Variants in AGBL4 observed in about 807,000 individuals in gnomAD.
AGBL4 encodes cytosolic carboxypeptidase 6.
Under a neutral mutation model 66.4 loss-of-function variants are expected in AGBL4, and 58 were observed. That is an observed-to-expected ratio of 0.87 (90% CI 0.71 to 1.09). The LOEUF is 1.09. AGBL4 is among the 50% of genes least tolerant of loss of function. AGBL4 has a pLI of 0.00. For synonymous variants in AGBL4, 234 were observed against 222.9 expected, an observed-to-expected ratio of 1.05 and a Z score of -0.44; for missense variants, 579 against 631.0, an observed-to-expected ratio of 0.92 and a Z score of 0.88.
intron 2 of AGBL4, among the ~76,000 whole-genome samples, chr1:49,776,595 C>T (rs1395705292): frequency 6.6e-6 from 1 of 151,934 alleles, no homozygotes; most frequent in African/African-American, 2.4e-5. Context: ...TTATGTTTTT[C>T]CCTCTGCATG....
chr1:48,787,829 T>G (rs544274457), intron 6 of AGBL4, among the ~76,000 whole-genome samples: 13 of 152,324 alleles, frequency 8.5e-5, no homozygotes, highest in South Asian at 4.1e-4. Context: ...GGACTCTGGA[T>G]AGTGGCCAAG....
chr1:48,930,318 T>G (rs1169375198), intron 5 of AGBL4, among the ~76,000 whole-genome samples: 1 of 152,056 alleles, frequency 6.6e-6, no homozygotes, highest in Admixed American at 6.6e-5. Flanking sequence ...TTCTAACTCT[T>G]TTCTCTCTGT....
chr1:49,194,843 T>A (rs1041098430), intron 4 of AGBL4, among the ~76,000 whole-genome samples: 2 of 145,814 alleles, frequency 1.4e-5, no homozygotes, highest in Non-Finnish European at 3.1e-5. Context: ...ATTGATCTGT[T>A]TTTTTTTTTT....
chr1:48,788,754 G>A (rs1645468221), intron 6 of AGBL4, among the ~76,000 whole-genome samples: 1 of 152,124 alleles, frequency 6.6e-6, no homozygotes, highest in African/African-American at 2.4e-5. Flanking sequence ...CTTTAAGACT[G>A]TCTTATTTGT....
At chr1:49,511,415 T>C (rs1403812141) in intron 3 of AGBL4, among the ~76,000 whole-genome samples, 1 of 125,398 alleles carries the variant, frequency 8.0e-6, no homozygotes, top group African/African-American at 3.1e-5. Context: ...TGAGATCACA[T>C]GGACACAGGA....
chr1:49,936,165 G>A (rs186704391), intron 1 of AGBL4, among the ~76,000 whole-genome samples: 41 of 152,284 alleles, frequency 2.7e-4, no homozygotes, highest in Admixed American at 9.2e-4. Flanking sequence ...GCTGAAAGCC[G>A]AGGCTCGAGA....
intron 5 of AGBL4, among the ~76,000 whole-genome samples, chr1:48,975,955 G>C (rs1263080269): frequency 1.3e-5 from 2 of 152,084 alleles, no homozygotes; most frequent in East Asian, 3.9e-4. Flanking sequence ...CCAGTGCTCA[G>C]AACTTCAAGC....
chr1:49,828,773 G>A (rs1159316029), intron 2 of AGBL4, among the ~76,000 whole-genome samples: 2 of 152,178 alleles, frequency 1.3e-5, no homozygotes, highest in Non-Finnish European at 2.9e-5. Context: ...AGAAACTTGA[G>A]TGAAAGGAAG....
chr1:49,283,683 T>C (rs1644335349), intron 3 of AGBL4, among the ~76,000 whole-genome samples: 1 of 151,008 alleles, frequency 6.6e-6, no homozygotes, highest in African/African-American at 2.4e-5. Flanking sequence ...AAGGAGCTGA[T>C]GGAGCTGAAA....
chr1:49,273,882 C>A (rs1001063028), intron 3 of AGBL4, among the ~76,000 whole-genome samples: 3 of 151,962 alleles, frequency 2.0e-5, no homozygotes, highest in Non-Finnish European at 1.5e-5. Flanking sequence ...CGGGGTTTCA[C>A]CGTGTTAGCC....
intron 5 of AGBL4, among the ~76,000 whole-genome samples, chr1:48,996,548 T>C (rs147233490): frequency 2.6e-5 from 4 of 152,304 alleles, no homozygotes; most frequent in African/African-American, 9.6e-5. Context: ...GTCAGTTAAC[T>C]GTGTGAAGTG....
At chr1:49,500,679 A>G (rs1648067434) in intron 3 of AGBL4, among the ~76,000 whole-genome samples, 1 of 152,034 alleles carries the variant, frequency 6.6e-6, no homozygotes, top group Non-Finnish European at 1.5e-5. Flanking sequence ...GTCAAAGATC[A>G]GTTGACTATA....
chr1:49,848,537 T>C (rs555182321), intron 2 of AGBL4, among the ~76,000 whole-genome samples: 50 of 152,152 alleles, frequency 3.3e-4, no homozygotes, highest in Non-Finnish European at 6.6e-4. Flanking sequence ...CTGGAGGCCA[T>C]TATGCTAAGT....
At chr1:49,168,155 C>T (rs1230222006) in intron 4 of AGBL4, among the ~76,000 whole-genome samples, 1 of 152,190 alleles carries the variant, frequency 6.6e-6, no homozygotes, top group South Asian at 2.1e-4. Context: ...GAACACTAAA[C>T]CATGCCTATA....
intron 3 of AGBL4, among the ~76,000 whole-genome samples, chr1:49,375,398 G>C (rs1644451772): frequency 6.6e-6 from 1 of 152,114 alleles, no homozygotes. Context: ...TTTCTGAGAA[G>C]TGATGATTTT....
At chr1:49,027,765 A>G (rs1195860746) in intron 5 of AGBL4, among the ~76,000 whole-genome samples, 2 of 152,150 alleles carry the variant, frequency 1.3e-5, no homozygotes, top group Non-Finnish European at 2.9e-5. Context: ...TACTCATAGA[A>G]TGAAAACTCT....
intron 4 of AGBL4, among the ~76,000 whole-genome samples, chr1:49,213,604 T>C (rs947758471): frequency 1.3e-5 from 2 of 152,164 alleles, no homozygotes; most frequent in Non-Finnish European, 2.9e-5. Flanking sequence ...TTGCTGGTGC[T>C]ATGCTTCCTG....
intron 3 of AGBL4, among the ~76,000 whole-genome samples, chr1:49,524,175 C>G (rs1406859445): frequency 6.6e-6 from 1 of 152,078 alleles, no homozygotes; most frequent in African/African-American, 2.4e-5. Context: ...ATTCTAAGCA[C>G]ACACATTCAT....
intron 5 of AGBL4, among the ~76,000 whole-genome samples, chr1:48,963,413 C>G (rs758221323): frequency 6.6e-6 from 1 of 152,248 alleles, no homozygotes; most frequent in Non-Finnish European, 1.5e-5. Context: ...AGCTGAGCAG[C>G]CTCACTGCCA....
Sources: gnomAD v4.1 joint callset for allele counts (sites outside exome capture counted in the v4.1 genomes callset) on GRCh38, gnomAD v4.1.1 for gene constraint, MANE v1.5 for transcripts, NCBI Gene and HGNC (gene_info 2026-07-23, HGNC 2026-07-21) for gene names.